TREM1: variants seen among roughly 807,000 people sequenced by gnomAD.
TREM1 encodes the protein triggering receptor expressed on myeloid cells 1.
TREM1 carries 16 observed loss-of-function variants against 22.4 expected under a neutral mutation model. The ratio of observed to expected loss-of-function variants is 0.71; its 90% CI spans 0.48 to 1.08. The LOEUF (loss-of-function observed/expected upper bound fraction) is 1.08, where lower values mean the gene tolerates loss of function less well. Among genes scored for constraint, TREM1 ranks in the 50% least tolerant of loss-of-function variants. The pLI is 0.00. For synonymous variants in TREM1, 110 were observed against 111.6 expected, an observed-to-expected ratio of 0.99 and a Z score of 0.09; for missense variants, 283 against 282.9, an observed-to-expected ratio of 1.00 and a Z score of 0.00.
chr6:41,275,736 G>A lies in TREM1; in HGVS notation c.*389C>T, dbSNP rs1041395591. Reference sequence around the variant, plus strand: ...CTTCTGTAGTGGGAGCTCTGTCCAGGTCAGGCCAAAATTGTATGGTCCAGG... The same window carrying A: ...CTTCTGTAGTGGGAGCTCTGTCCAGATCAGGCCAAAATTGTATGGTCCAGG... On this transcript the variant is annotated 3_prime_UTR_variant, in exon 4 of 4. Coordinates refer to ENST00000244709, the MANE Select transcript of TREM1 (RefSeq NM_018643.5). The A allele has an allele frequency of 5.5e-5, 12 of 216,714 alleles. No individual in the cohort carries two copies. The highest frequency in any genetic ancestry group is 1.0e-4 in the Non-Finnish European group (11 of 105,468). 13.4% of individuals were successfully genotyped at this position (216,714 alleles called of 1,614,324 possible).
chr6:41,283,507 C>T (rs558493165), intron 1 of TREM1, among the ~76,000 whole-genome samples: 4 of 152,018 alleles, frequency 2.6e-5, no homozygotes, highest in Admixed American at 6.6e-5. Flanking sequence ...GTCGGGAGTT[C>T]GAGACCAGCC....
At chr6:41,285,661 A>T (rs1040185653) in intron 1 of TREM1, among the ~76,000 whole-genome samples, 1 of 152,232 alleles carries the variant, frequency 6.6e-6, no homozygotes, top group Admixed American at 6.5e-5. Context: ...ACACAGGTAC[A>T]TAACCTTCAG....
chr6:41,270,427 CAT>C (rs576742076), downstream of TREM1, among the ~76,000 whole-genome samples: 349 of 143,964 alleles, frequency 2.4e-3, 6 homozygotes, highest in African/African-American at 9.1e-3. Flanking sequence ...TCTGTTTGCA[CAT>C]ATATATGATA....
intron 2 of TREM1, chr6:41,281,430 GAGA>G: frequency 7.0e-6 from 3 of 428,378 alleles, no homozygotes; most frequent in Non-Finnish European, 1.3e-5. Flanking sequence ...AGCAGAAAGA[GAGA>G]AGAAGAAAGG....
chr6:41,279,586 C>T, intron 3 of TREM1: 1 of 985,394 alleles, frequency 1.0e-6, no homozygotes, highest in Non-Finnish European at 1.2e-6. Flanking sequence ...GCACTTTGTT[C>T]CCCAAACAAC....
intron 3 of TREM1, chr6:41,279,595 A>G (rs1020988958): frequency 3.0e-6 from 3 of 985,272 alleles, no homozygotes; most frequent in Non-Finnish European, 3.6e-6. Flanking sequence ...TCCCCAAACA[A>G]CATAATGGGG....
intron 3 of TREM1, among the ~76,000 whole-genome samples, chr6:41,276,907 G>T (rs763059931): frequency 6.6e-6 from 1 of 152,100 alleles, no homozygotes; most frequent in Non-Finnish European, 1.5e-5. Flanking sequence ...TAAGCCGGAC[G>T]TGGTAGCATG....
chr6:41,279,569 T>G lies in TREM1; in HGVS notation c.599+1392A>C, dbSNP rs148958157. 1,111 of 985,426 alleles carry G rather than the reference T, an allele frequency of 1.1e-3. 7 individuals carry two copies. The African/African-American group carries it at 0.016, about 14-fold the overall frequency. 61.0% of individuals were successfully genotyped at this position (985,426 alleles called of 1,614,324 possible). ...TTCGTTTGATTTATTCCACAGAAGT[T>G]TAATGAGCACTTTGTTCCCCAAACA... On this transcript the variant is annotated intron_variant, in intron 3 of 3. Coordinates refer to ENST00000244709, the MANE Select transcript of TREM1 (RefSeq NM_018643.5).
chr6:41,284,696 A>G (rs929936712), intron 1 of TREM1, among the ~76,000 whole-genome samples: 3 of 152,030 alleles, frequency 2.0e-5, no homozygotes, highest in African/African-American at 7.2e-5. Context: ...CCTGGTGAAA[A>G]ATGACAAGTG....
chr6:41,278,524 A>G (rs1767762122), intron 3 of TREM1, among the ~76,000 whole-genome samples: 1 of 151,854 alleles, frequency 6.6e-6, no homozygotes, highest in African/African-American at 2.4e-5. Flanking sequence ...AATAAAAAGT[A>G]TTAGCTGTCC....
chr6:41,281,408 G>C, intron 2 of TREM1: 1 of 493,502 alleles, frequency 2.0e-6, no homozygotes, highest in East Asian at 3.3e-5. Context: ...AAAAGGGCAG[G>C]AAGTGAGGGA....
rs776540617 is a variant in TREM1 at position 41,282,572 on chromosome 6, A to T, written c.229T>A (p.Ser77Thr). 8 of 1,614,154 alleles carry T rather than the reference A, an allele frequency of 5.0e-6. No homozygotes were observed. Among genetic ancestry groups the T allele is most frequent in the Non-Finnish European group, 6.8e-6 (8 of 1,180,044 alleles). Residue 77 changes from serine (S) to threonine (T), a missense_variant, in exon 2 of 4, where the codon TCC becomes ACC. By Grantham distance (58) the Ser-to-Thr change is moderately conservative. Coordinates refer to ENST00000244709, the MANE Select transcript of TREM1 (RefSeq NM_018643.5). ...ATCCTCCCCACTTGGACTGGATGGGAATTCTTTGAAGGCCTCTCTGTGCAT... is the reference window on the plus strand; with the variant it reads ...ATCCTCCCCACTTGGACTGGATGGGTATTCTTTGAAGGCCTCTCTGTGCAT... ...LACTERPSKN[S>T]HPVQVGRIIL...
intron 1 of TREM1, among the ~76,000 whole-genome samples, chr6:41,283,715 A>ACACACACACACAC (rs1554147912): frequency 7.4e-6 from 1 of 134,570 alleles, no homozygotes; most frequent in African/African-American, 3.4e-5. Flanking sequence ...CTGTTAAAAA[A>ACACACACACACAC]AAAAACACAC....
chr6:41,281,292 G>T, intron 2 of TREM1, 139 bp from the exon 3 acceptor site: 1 of 1,029,112 alleles, frequency 9.7e-7, no homozygotes, highest in Non-Finnish European at 1.4e-6. Context: ...AAATGAAGCT[G>T]AGGAGGGAAA....
At chr6:41,284,652 T>A (rs1331485607) in intron 1 of TREM1, among the ~76,000 whole-genome samples, 1 of 152,174 alleles carries the variant, frequency 6.6e-6, no homozygotes, top group African/African-American at 2.4e-5. Flanking sequence ...CTAGTACTGC[T>A]GTTATTAATA....
At chr6:41,286,542 A>G in intron 1 of TREM1, 65 bp downstream of exon 1, 1 of 1,586,824 alleles carries the variant, frequency 6.3e-7, no homozygotes, top group Non-Finnish European at 8.6e-7. Flanking sequence ...AAGCTTCAAC[A>G]GAAAAGGGCT....
intron 3 of TREM1, among the ~76,000 whole-genome samples, chr6:41,277,907 CTTTTT>C (rs11341322): frequency 9.0e-6 from 1 of 111,346 alleles, no homozygotes; most frequent in Non-Finnish European, 1.8e-5. Flanking sequence ...TTCTTTTTGT[CTTTTT>C]TTTTTTTTTT....
chr6:41,286,541 C>G (rs2114002362), intron 1 of TREM1, 66 bp downstream of exon 1: 1 of 1,584,656 alleles, frequency 6.3e-7, no homozygotes, highest in South Asian at 1.1e-5. Flanking sequence ...GAAGCTTCAA[C>G]AGAAAAGGGC....
intron 3 of TREM1, 135 bp from the exon 4 acceptor site, chr6:41,276,365 C>T: frequency 1.5e-6 from 1 of 676,912 alleles, no homozygotes; most frequent in Admixed American, 2.4e-5. Flanking sequence ...ACTGCCTGAC[C>T]CTGTGCTTTT....
Sources: allele counts gnomAD v4.1 joint callset (sites outside exome capture counted in the v4.1 genomes callset), GRCh38; gene constraint gnomAD v4.1.1; transcripts MANE v1.5; gene names NCBI Gene and HGNC (gene_info 2026-07-23, HGNC 2026-07-21).